CLVS1: variants seen among roughly 807,000 people sequenced by gnomAD.
CLVS1 encodes clavesin 1.
Under a neutral mutation model 33.1 loss-of-function variants are expected in CLVS1, and 10 were observed. The observed-to-expected ratio is 0.30, with a 90% confidence interval of 0.19 to 0.51. The LOEUF is 0.51. Among genes scored for constraint, CLVS1 ranks in the 20% least tolerant of loss-of-function variants. The probability of loss-of-function intolerance (pLI) is 0.97; values close to 1 mark genes in which losing one functional copy is unlikely to be tolerated. For synonymous variants in CLVS1, 163 were observed against 166.1 expected (o/e 0.98, Z 0.14); for missense variants, 343 against 433.4 (o/e 0.79, Z 1.85).
chr8:61,051,324 A>T, the CLVS1 span, among the ~76,000 whole-genome samples: 3 of 152,192 alleles, frequency 2.0e-5, no homozygotes, highest in Non-Finnish European at 4.4e-5. Context: ...TAAAAGGAGG[A>T]CATTGGACTT....
the CLVS1 span, among the ~76,000 whole-genome samples, chr8:60,968,306 G>A: frequency 2.0e-5 from 3 of 152,068 alleles, no homozygotes; most frequent in Non-Finnish European, 4.4e-5. Context: ...ACCTGAGGTC[G>A]GGAGTTCGAG....
At chr8:61,070,462 C>T (rs1308060663) in intron 1 of CLVS1, among the ~76,000 whole-genome samples, 1 of 152,220 alleles carries the variant, frequency 6.6e-6, no homozygotes, top group Non-Finnish European at 1.5e-5. Context: ...AATAAAGCAG[C>T]ACATTGCCTC....
intron 2 of CLVS1, among the ~76,000 whole-genome samples, chr8:61,210,796 G>A (rs1208807444): frequency 6.6e-6 from 1 of 152,156 alleles, no homozygotes; most frequent in Non-Finnish European, 1.5e-5. Context: ...ACTACTACAG[G>A]TAACACTAGG....
Position 61,196,927 on chromosome 8 carries a change from C to T in CLVS1, c.-152+65067C>T, listed in dbSNP as rs777980482. ...CAACTTCTGTACCACTTTTAAAAAT[C>T]ACTTGCCCTCTCCCGGGCTCTATCT... On this transcript the variant is annotated intron_variant, in intron 2 of 2. Coordinates refer to the CLVS1 transcript ENST00000522621. 2.0e-5 allele frequency among the ~76,000 whole-genome samples: 3 copies of T among 152,282 alleles called. No individual in the cohort carries two copies. In the East Asian group the frequency reaches 5.8e-4, roughly 29 times the overall value.
intron 3 of CLVS1, among the ~76,000 whole-genome samples, chr8:61,405,589 C>T (rs1814954501): frequency 6.6e-6 from 1 of 152,044 alleles, no homozygotes; most frequent in Middle Eastern, 3.4e-3. Flanking sequence ...GCCTAAGTAA[C>T]ATAACAGGGC....
At chr8:60,971,701 G>C in the CLVS1 span, among the ~76,000 whole-genome samples, 1 of 152,156 alleles carries the variant, frequency 6.6e-6, no homozygotes, top group African/African-American at 2.4e-5. Context: ...GTTGCTTTAG[G>C]TCTTCTAGAG....
chr8:61,189,551 T>C (rs1289400759), intron 2 of CLVS1, among the ~76,000 whole-genome samples: 1 of 152,190 alleles, frequency 6.6e-6, no homozygotes, highest in Non-Finnish European at 1.5e-5. Flanking sequence ...ATGGACTAAA[T>C]GCTCCAATTA....
chr8:60,993,093 G>C, the CLVS1 span, among the ~76,000 whole-genome samples: 2 of 152,242 alleles, frequency 1.3e-5, no homozygotes, highest in African/African-American at 4.8e-5. Flanking sequence ...CTAACACCTG[G>C]AAAACAGTGG....
At chr8:60,984,292 TTTTTTTTC>T in the CLVS1 span, among the ~76,000 whole-genome samples, 1 of 151,914 alleles carries the variant, frequency 6.6e-6, no homozygotes, top group African/African-American at 2.4e-5. Flanking sequence ...AAAGGTCTAG[TTTTTTTTC>T]TTTTTTTCCT....
Position 61,293,872 on chromosome 8 carries a change from G to A in CLVS1, c.-152+5734G>A, listed in dbSNP as rs530813941. On this transcript the variant is annotated intron_variant, in intron 1 of 5. Coordinates refer to ENST00000325897, the MANE Select transcript of CLVS1 (RefSeq NM_173519.3). The stretch of plus-strand genomic sequence containing the variant: ...GAAAGAAACCCACAAAACAAATATG[G>A]CTATTGTTTCTTATTTTATATTTGT... Among the ~76,000 whole-genome samples the A allele has an allele frequency of 3.3e-5, 5 of 151,968 alleles. No individual in the cohort carries two copies. The East Asian group carries it at 9.7e-4, about 29-fold the overall frequency.
chr8:61,220,184 TG>T (rs1431106544), intron 2 of CLVS1, among the ~76,000 whole-genome samples: 1 of 152,246 alleles, frequency 6.6e-6, no homozygotes. Context: ...TTGTCAATCT[TG>T]GCTTTTGTTG....
the CLVS1 span, among the ~76,000 whole-genome samples, chr8:60,973,800 C>T: frequency 6.6e-6 from 1 of 152,228 alleles, no homozygotes; most frequent in East Asian, 1.9e-4. Flanking sequence ...CTCCTGAGAT[C>T]TTACTGGGAA....
At chr8:61,451,729 AATG>A (rs1585993208) in intron 3 of CLVS1, among the ~76,000 whole-genome samples, 2 of 151,882 alleles carry the variant, frequency 1.3e-5, no homozygotes, top group Non-Finnish European at 2.9e-5. Context: ...GGCAACCAAT[AATG>A]ATGTGTTGAC....
chr8:61,454,072 T>A, intron 3 of CLVS1, 69 bp from the exon 4 acceptor site: 1 of 1,063,512 alleles, frequency 9.4e-7, no homozygotes, highest in Non-Finnish European at 1.5e-6. Context: ...TTTGGGGCAT[T>A]GGTCCTGCTG....
At chr8:61,140,355 T>C (rs370731790) in intron 2 of CLVS1, among the ~76,000 whole-genome samples, 2 of 152,150 alleles carry the variant, frequency 1.3e-5, no homozygotes, top group African/African-American at 4.8e-5. Flanking sequence ...TCTCATTTGA[T>C]GATCATGAAG....
At chr8:61,145,570 C>G (rs1452025123) in intron 2 of CLVS1, among the ~76,000 whole-genome samples, 1 of 152,228 alleles carries the variant, frequency 6.6e-6, no homozygotes, top group Non-Finnish European at 1.5e-5. Flanking sequence ...TGTCCTTCCC[C>G]CTCCTGCTGC....
chr8:61,433,523 A>C (rs952422314), intron 3 of CLVS1, among the ~76,000 whole-genome samples: 29 of 152,216 alleles, frequency 1.9e-4, no homozygotes, highest in African/African-American at 6.7e-4. Flanking sequence ...GATTCTATTT[A>C]TTTCTTTCTC....
At position 61,226,422 on chromosome 8, in the gene CLVS1, T is replaced by A. The variant is rs527662532; in HGVS notation, c.-151-73255T>A. Among the ~76,000 whole-genome samples, 25 of 152,338 alleles carry A rather than the reference T, an allele frequency of 1.6e-4. No homozygotes were observed. In the South Asian group the frequency reaches 3.9e-3, roughly 24 times the overall value. ...TTGCAAGACACTAATGAAATTTTTT[T>A]AAAAAATTAAAACAAACTTTTCAGA... On this transcript the variant is annotated intron_variant, in intron 2 of 2. Transcript: ENST00000522621.
chr8:61,491,130 A>T (rs977754912), intron 5 of CLVS1, among the ~76,000 whole-genome samples: 1 of 152,204 alleles, frequency 6.6e-6, no homozygotes, highest in African/African-American at 2.4e-5. Flanking sequence ...GAAGAGTTAG[A>T]CTATTTGAAC....
Sources: allele counts gnomAD v4.1 joint callset (sites outside exome capture counted in the v4.1 genomes callset), GRCh38; gene constraint gnomAD v4.1.1; transcripts MANE v1.5; gene names NCBI Gene and HGNC (gene_info 2026-07-23, HGNC 2026-07-21).